KANK1: variants seen among roughly 807,000 people sequenced by gnomAD.
The protein encoded by KANK1 is KN motif and ankyrin repeat domains 1.
A neutral mutation model predicts 106.2 loss-of-function variants in KANK1; 109 were observed. The observed-to-expected ratio is 1.03, with a 90% CI of 0.88 to 1.20. The LOEUF is 1.20. Ranked by LOEUF, KANK1 falls within the 50% of genes most tolerant of loss-of-function variation. The pLI is 0.00. For missense variants in KANK1, 2,399 were observed against 1,710.7 expected, an observed-to-expected ratio of 1.40 and a Z score of -7.10; for synonymous variants, 873 against 652.2, an observed-to-expected ratio of 1.34 and a Z score of -5.16.
At chr9:475,564 T>A (rs1287855609) in intron 3 of KANK1, among the ~76,000 whole-genome samples, 1 of 152,064 alleles carries the variant, frequency 6.6e-6, no homozygotes, top group Non-Finnish European at 1.5e-5. Context: ...ATCTAGGGGG[T>A]CTGGGGAGTT....
At chr9:505,741 T>C (rs1475094068) in intron 1 of KANK1, among the ~76,000 whole-genome samples, 1 of 152,196 alleles carries the variant, frequency 6.6e-6, no homozygotes, top group African/African-American at 2.4e-5. Context: ...GCCCATCTTA[T>C]TAAATAGTGG....
At chr9:667,189 G>T (rs1344206841) in intron 1 of KANK1, among the ~76,000 whole-genome samples, 1 of 151,826 alleles carries the variant, frequency 6.6e-6, no homozygotes, top group Non-Finnish European at 1.5e-5. Context: ...ATATGTCCAG[G>T]AATGTATCTT....
chr9:508,745 C>T (rs1390798378), intron 1 of KANK1, among the ~76,000 whole-genome samples: 1 of 146,496 alleles, frequency 6.8e-6, no homozygotes, highest in Non-Finnish European at 1.5e-5. Context: ...ATTTTCACTG[C>T]TGTGTAATAT....
At chr9:702,495 T>A (rs1403866685) in intron 2 of KANK1, among the ~76,000 whole-genome samples, 1 of 152,066 alleles carries the variant, frequency 6.6e-6, no homozygotes, top group Admixed American at 6.6e-5. Flanking sequence ...CATAGAAAAC[T>A]AGAGAGATAG....
chr9:730,179 T>C lies in KANK1; in HGVS notation c.2827T>C (p.Phe943Leu), dbSNP rs1831819774. Residue 943 changes from phenylalanine (F) to leucine (L), a missense_variant, in exon 4 of 12, where the codon TTC becomes CTC. Physicochemically the swap from Phe to Leu is conservative, Grantham distance 22. Transcript: ENST00000382297. ...EGKPISSLDA[F>L]PTQEGTLSPV... ...AAAGCCAATCAGCAGCCTGGATGCC[T>C]TCCCCACTCAGGAAGGTACGCTGTC... The C allele has an allele frequency of 1.2e-6, 2 of 1,614,194 alleles. No individual in the cohort carries two copies. The highest frequency in any genetic ancestry group is 4.5e-5 in the East Asian group (2 of 44,884).
intron 5 of KANK1, chr9:731,846 C>G (rs1419156330): frequency 1.9e-5 from 3 of 154,630 alleles, no homozygotes; most frequent in African/African-American, 4.8e-5. Context: ...TGAATTGATA[C>G]ATGGCCCCCA....
At chr9:739,467 A>ATAAG (rs1178702298) in intron 8 of KANK1, among the ~76,000 whole-genome samples, 1 of 152,180 alleles carries the variant, frequency 6.6e-6, no homozygotes, top group Non-Finnish European at 1.5e-5. Flanking sequence ...CCTTTCTCTT[A>ATAAG]TAAGTGTGTT....
In KANK1 at chr9:744,471, T is replaced by C. The variant is rs767020569; in HGVS notation, c.3898-20T>C. The C allele has an allele frequency of 6.2e-7, 1 of 1,608,032 alleles. No individual in the cohort carries two copies. Among genetic ancestry groups the C allele is most frequent in the East Asian group, 2.2e-5 (1 of 44,694 alleles). Reference sequence around the variant, plus strand: ...GTTTGAGAAACCCAACATGGCTTGTTCTTTCCATCTTATCTTAAGGATGGC... The same window carrying C: ...GTTTGAGAAACCCAACATGGCTTGTCCTTTCCATCTTATCTTAAGGATGGC... On this transcript the variant is annotated intron_variant, in intron 10 of 11. Coordinates refer to ENST00000382297, the MANE Select transcript of KANK1 (RefSeq NM_015158.5).
At chr9:678,837 T>C (rs12352279) in intron 2 of KANK1, among the ~76,000 whole-genome samples, 25,524 of 152,030 alleles carry the variant, frequency 0.17, 3,142 homozygotes, top group East Asian at 0.32. Flanking sequence ...TTTAATTCCC[T>C]CTGATGATGT....
Position 711,961 on chromosome 9 carries a change from C to G in KANK1, c.1195C>G (p.Arg399Gly). ...SSELRENGEC[R>G]SVAVGAEENM... Reference sequence around the variant, plus strand: ...AGAGCTCAGGGAGAATGGAGAGTGCCGGTCTGTGGCTGTGGGTGCCGAGGA... The same window carrying G: ...AGAGCTCAGGGAGAATGGAGAGTGCGGGTCTGTGGCTGTGGGTGCCGAGGA... The change falls in exon 3 of 12, where the codon CGG becomes GGG. Residue 399 changes from arginine (R) to glycine (G), a missense_variant. By Grantham distance (125) the Arg-to-Gly change is moderately radical (BLOSUM62 -2). Transcript: ENST00000382297. 1 of 1,614,110 alleles carries G rather than the reference C, an allele frequency of 6.2e-7. No homozygotes were observed. The highest frequency in any genetic ancestry group is 8.5e-7 in the Non-Finnish European group (1 of 1,180,028).
At chr9:617,307 A>T (rs1456146199) in intron 1 of KANK1, among the ~76,000 whole-genome samples, 1 of 152,144 alleles carries the variant, frequency 6.6e-6, no homozygotes, top group Non-Finnish European at 1.5e-5. Context: ...TCAAAACCAG[A>T]CATGTCTTTT....
At chr9:655,521 C>A (rs929732171) in intron 1 of KANK1, among the ~76,000 whole-genome samples, 3 of 152,088 alleles carry the variant, frequency 2.0e-5, no homozygotes, top group African/African-American at 7.2e-5. Context: ...TACAAATCAC[C>A]TGGGGGTCTT....
At chr9:519,785 G>A (rs1168368063) in intron 1 of KANK1, among the ~76,000 whole-genome samples, 2 of 151,566 alleles carry the variant, frequency 1.3e-5, no homozygotes, top group Non-Finnish European at 2.9e-5. Context: ...ACCTACTATT[G>A]TTCTCAATAA....
chr9:550,366 C>T (rs191196788), intron 1 of KANK1, among the ~76,000 whole-genome samples: 80 of 152,236 alleles, frequency 5.3e-4, no homozygotes, highest in African/African-American at 1.8e-3. Flanking sequence ...ACTCCTTTTT[C>T]CCTGCATCCG....
Position 645,562 on chromosome 9 carries a change from T to C in KANK1, c.-83-31328T>C, listed in dbSNP as rs1422136527. On this transcript the variant is annotated intron_variant, in intron 1 of 11. Coordinates refer to ENST00000382297, the MANE Select transcript of KANK1 (RefSeq NM_015158.5). ...TTTAATGTATAAAATTATCAATTTT[T>C]ATACATTAGGGATTTCATTTTTTTA... Among the ~76,000 whole-genome samples, 11 of 150,774 alleles carry C rather than the reference T, an allele frequency of 7.3e-5. 2 individuals carry two copies. The highest frequency in any genetic ancestry group is 2.7e-4 in the African/African-American group (11 of 40,144).
chr9:615,363 T>C (rs1588273066), intron 1 of KANK1, among the ~76,000 whole-genome samples: 1 of 152,366 alleles, frequency 6.6e-6, no homozygotes, highest in East Asian at 1.9e-4. Context: ...TGGCATCATA[T>C]GCTCTTCCTT....
At chr9:629,101 C>T (rs1835063421) in intron 1 of KANK1, among the ~76,000 whole-genome samples, 2 of 150,688 alleles carry the variant, frequency 1.3e-5, no homozygotes, top group African/African-American at 4.9e-5. Context: ...AAAATCCCAT[C>T]TTGCATGCTT....
intron 2 of KANK1, among the ~76,000 whole-genome samples, chr9:694,728 G>C (rs1820812672): frequency 6.6e-6 from 1 of 152,000 alleles, no homozygotes; most frequent in Non-Finnish European, 1.5e-5. Context: ...TCACTCTTAC[G>C]TGCAGCCTGG....
intron 2 of KANK1, among the ~76,000 whole-genome samples, chr9:680,046 C>G (rs898849498): frequency 1.3e-5 from 2 of 152,130 alleles, no homozygotes; most frequent in East Asian, 1.9e-4. Flanking sequence ...GGGCCAATTA[C>G]TGGTCTCCTA....
Sources: allele counts gnomAD v4.1 joint callset (sites outside exome capture counted in the v4.1 genomes callset), GRCh38; gene constraint gnomAD v4.1.1; transcripts MANE v1.5; gene names NCBI Gene and HGNC (gene_info 2026-07-23, HGNC 2026-07-21).